The following ZNF469 variants were observed in gnomAD, a reference collection of about 807,000 sequenced individuals.
ZNF469 encodes zinc finger protein 469.
In ZNF469, 1 loss-of-function variant was observed where a neutral mutation model predicts 1.0. That is an observed-to-expected ratio of 1.00 (90% confidence interval 0.35 to 4.73). The LOEUF (loss-of-function observed/expected upper bound fraction) is 4.73, where lower values mean the gene tolerates loss of function less well. ZNF469 is among the 30% of genes most tolerant of loss of function. The pLI, the probability that ZNF469 is intolerant of heterozygous loss-of-function variation, is 0.16. For synonymous variants in ZNF469, 2,703 were observed against 2,363.4 expected (o/e 1.14, Z -4.17); for missense variants, 6,100 against 5,356.3 (o/e 1.14, Z -4.33).
At chr16:88,331,169 C>T in the ZNF469 span, among the ~76,000 whole-genome samples, 3 of 151,640 alleles carry the variant, frequency 2.0e-5, no homozygotes, top group African/African-American at 7.3e-5. Flanking sequence ...TCATCACCAT[C>T]ATTACCATCA....
At chr16:88,311,134 G>A in the ZNF469 span, among the ~76,000 whole-genome samples, 1 of 152,210 alleles carries the variant, frequency 6.6e-6, no homozygotes, top group Non-Finnish European at 1.5e-5. Flanking sequence ...GGATTGTCTA[G>A]TGTTTTTCTC....
rs1384656778 is a variant in ZNF469 at position 88,388,419 on chromosome 16, C to T, written c.-192+5165C>T. Among the ~76,000 whole-genome samples the T allele has an allele frequency of 4.6e-5, 7 of 152,210 alleles. No homozygotes were observed. The East Asian group carries it at 7.7e-4, about 17-fold the overall frequency. On this transcript the variant is annotated intron_variant, in intron 1 of 2. Transcript: ENST00000565624. ...TTTCCTACCGGCCGGGCACGGCAGC[C>T]GCCTGCAGAATGTGACCGTTGGGAG...
chr16:88,242,465 ATCT>A, the ZNF469 span, among the ~76,000 whole-genome samples: 1 of 151,980 alleles, frequency 6.6e-6, no homozygotes, highest in Non-Finnish European at 1.5e-5. Context: ...CTATGTCCTA[ATCT>A]TCTCCTAGAA....
chr16:88,104,567 G>A, the ZNF469 span, among the ~76,000 whole-genome samples: 81 of 152,370 alleles, frequency 5.3e-4, no homozygotes, highest in South Asian at 2.1e-4. Flanking sequence ...TGTCCCATGC[G>A]TGGGTCACGC....
At chr16:88,122,151 C>T in the ZNF469 span, among the ~76,000 whole-genome samples, 18 of 146,718 alleles carry the variant, frequency 1.2e-4, 1 homozygote, top group Non-Finnish European at 2.0e-4. Context: ...GATCACACCC[C>T]GTCACTCGGT....
At chr16:88,419,291 G>C (rs944946320) in intron 1 of ZNF469, among the ~76,000 whole-genome samples, 1 of 152,210 alleles carries the variant, frequency 6.6e-6, no homozygotes, top group Non-Finnish European at 1.5e-5. Flanking sequence ...AGCCCTGGTG[G>C]GCAGCCAGAG....
Position 88,429,455 on chromosome 16 carries a change from A to G in ZNF469, c.1985A>G (p.Gln662Arg), listed in dbSNP as rs1352637785. Residue 662 changes from glutamine to arginine, a missense_variant, in exon 3 of 3, where the codon CAG (glutamine) becomes CGG (arginine). Physicochemically the swap from Gln to Arg is conservative, Grantham distance 43 (BLOSUM62 1). Transcript: ENST00000565624. ...EPPHSLPTHY[Q>R]PEPAKAFPFP... The stretch of plus-strand genomic sequence containing the variant: ...CCCCACTCCCTCCCCACCCACTACC[A>G]GCCAGAGCCAGCCAAGGCCTTCCCT... The G allele has an allele frequency of 8.6e-7, 1 of 1,169,134 alleles. No individual in the cohort carries two copies. The highest frequency in any genetic ancestry group is 1.1e-6 in the Non-Finnish European group (1 of 894,638). The allele number at this position is 1,169,134 out of a possible 1,614,324, so 72.4% of individuals were successfully genotyped here. A position where few individuals can be genotyped will look rare whatever the true frequency, so the allele number is the denominator to read the frequency against.
At chr16:88,287,510 C>T in the ZNF469 span, among the ~76,000 whole-genome samples, 5 of 152,256 alleles carry the variant, frequency 3.3e-5, no homozygotes, top group Admixed American at 1.3e-4. Context: ...GCACCTGCTA[C>T]CCTTGAACTT....
rs1489385741 is a variant in ZNF469, at chr16:88,437,878, C to T, written c.10408C>T (p.Leu3470=). 1 of 1,540,026 alleles carries T rather than the reference C, an allele frequency of 6.5e-7. No homozygotes were observed. The highest frequency in any genetic ancestry group is 8.8e-7 in the Non-Finnish European group (1 of 1,139,884). Residue 3470 remains leucine (L), a synonymous_variant, in exon 3 of 3, where the codon CTG becomes TTG. Coordinates refer to ENST00000565624, the MANE Select transcript of ZNF469 (RefSeq NM_001367624.2). ...GAAGGCCCGGGCCCTCGAGGGCACA[C>T]TGCCCAGCAAACGGCGCAGGGTGGC... ...GQKARALEGT[L]PSKRRRVAMP...
the ZNF469 span, among the ~76,000 whole-genome samples, chr16:88,220,502 T>G: frequency 1.3e-5 from 2 of 152,184 alleles, no homozygotes; most frequent in Admixed American, 1.3e-4. Context: ...AATGCCACAG[T>G]GTGACCCATG....
chr16:88,420,493 C>G (rs1905424965), intron 1 of ZNF469, among the ~76,000 whole-genome samples: 2 of 152,242 alleles, frequency 1.3e-5, no homozygotes, highest in African/African-American at 4.8e-5. Flanking sequence ...CCCAATTGGA[C>G]AGTGGCACTC....
the ZNF469 span, among the ~76,000 whole-genome samples, chr16:88,250,817 G>A: frequency 1.5e-4 from 23 of 151,996 alleles, no homozygotes; most frequent in Non-Finnish European, 3.1e-4. Flanking sequence ...GATTTATCAC[G>A]CATCTGTTGT....
chr16:88,282,005 A>G, the ZNF469 span, among the ~76,000 whole-genome samples: 58 of 152,348 alleles, frequency 3.8e-4, no homozygotes, highest in Non-Finnish European at 3.5e-4. Context: ...TGGGTTAGTT[A>G]GTACTAATGA....
chr16:88,243,682 G>C, the ZNF469 span, among the ~76,000 whole-genome samples: 1 of 151,310 alleles, frequency 6.6e-6, no homozygotes, highest in East Asian at 2.0e-4. Context: ...TGGATGGGTA[G>C]ATGGGTGGAC....
upstream of ZNF469, among the ~76,000 whole-genome samples, chr16:88,380,211 ACACAAATGCACT>A (rs1358643965): frequency 9.1e-4 from 133 of 145,510 alleles, no homozygotes; most frequent in Admixed American, 3.0e-3. Flanking sequence ...ATGCACTCAC[ACACAAATGCACT>A]CACAGACATG....
the ZNF469 span, among the ~76,000 whole-genome samples, chr16:88,193,240 GTGGTGGTGA>G: frequency 1.5e-5 from 2 of 137,354 alleles, no homozygotes; most frequent in East Asian, 2.5e-4. Flanking sequence ...GGGGATGGTG[GTGGTGGTGA>G]TGGTGGTGAT....
At chr16:88,239,721 T>A in the ZNF469 span, among the ~76,000 whole-genome samples, 21 of 7,462 alleles carry the variant, frequency 2.8e-3, no homozygotes, top group East Asian at 8.9e-3. Context: ...ATATATTTTT[T>A]TTTTTTTTTT....
At chr16:88,134,953 T>G in the ZNF469 span, among the ~76,000 whole-genome samples, 1 of 152,274 alleles carries the variant, frequency 6.6e-6, no homozygotes, top group East Asian at 1.9e-4. Context: ...ATTCATTTCA[T>G]CAGAGTTTTC....
At chr16:88,260,561 A>G in the ZNF469 span, among the ~76,000 whole-genome samples, 1 of 152,204 alleles carries the variant, frequency 6.6e-6, no homozygotes, top group Non-Finnish European at 1.5e-5. This position sits in a 1 kb window ranked among gnomAD's most constrained non-coding sequence, Gnocchi z 4.1. Flanking sequence ...GGCTGGGTTT[A>G]GGAGAGTGGA....
Sources: allele counts gnomAD v4.1 joint callset (sites outside exome capture counted in the v4.1 genomes callset), GRCh38; gene constraint gnomAD v4.1.1; non-coding constraint Gnocchi (gnomAD v3.1); transcripts MANE v1.5; gene names NCBI Gene and HGNC (gene_info 2026-07-23, HGNC 2026-07-21).